The following ACYP2 variants were observed in gnomAD, a reference collection of about 807,000 sequenced individuals.
ACYP2 encodes the protein acylphosphatase-2.
Under a neutral mutation model 11.2 loss-of-function variants are expected in ACYP2, and 12 were observed. The observed-to-expected ratio is 1.08, with a 90% CI of 0.69 to 1.74. ACYP2 has a LOEUF of 1.74. Among genes scored for constraint, ACYP2 ranks in the 40% most tolerant of loss-of-function variants. The pLI is 0.00. For synonymous variants in ACYP2, 43 were observed against 32.2 expected, an observed-to-expected ratio of 1.33 and a Z score of -1.13; for missense variants, 134 against 101.9, an observed-to-expected ratio of 1.31 and a Z score of -1.35.
At chr2:54,267,464 T>A in intron 6 of ACYP2, 1 of 1,123,738 alleles carries the variant, frequency 8.9e-7, no homozygotes. Flanking sequence ...GGGGGAAGAG[T>A]GGTCCTAAAG....
intron 6 of ACYP2, among the ~76,000 whole-genome samples, chr2:54,200,553 A>G (rs1353009473): frequency 6.6e-6 from 1 of 152,128 alleles, no homozygotes; most frequent in Non-Finnish European, 1.5e-5. Flanking sequence ...CACTGAGGAT[A>G]ATGTTTTCAA....
At chr2:54,255,004 A>C in intron 6 of ACYP2, 1 of 1,614,044 alleles carries the variant, frequency 6.2e-7, no homozygotes, top group Non-Finnish European at 8.5e-7. Context: ...GTCTTCACCC[A>C]ACAGGTAGTA....
intron 2 of ACYP2, among the ~76,000 whole-genome samples, chr2:54,036,421 C>T (rs147697201): frequency 1.4e-4 from 21 of 151,840 alleles, no homozygotes; most frequent in Admixed American, 1.3e-3. Flanking sequence ...TGTAAAGTAA[C>T]ACTCACAGTT....
chr2:54,047,567 T>G (rs1675589895), intron 2 of ACYP2, among the ~76,000 whole-genome samples: 1 of 152,154 alleles, frequency 6.6e-6, no homozygotes, highest in African/African-American at 2.4e-5. Flanking sequence ...CATGAATAAA[T>G]TGATTGTATT....
intron 6 of ACYP2, chr2:54,254,934 C>A: frequency 1.2e-6 from 2 of 1,610,910 alleles, no homozygotes; most frequent in Non-Finnish European, 1.7e-6. Flanking sequence ...CACACTGGAA[C>A]CCAAAGGGCC....
chr2:54,132,858 C>A (rs1220087515), intron 4 of ACYP2, among the ~76,000 whole-genome samples: 2 of 151,616 alleles, frequency 1.3e-5, no homozygotes, highest in African/African-American at 4.8e-5. Flanking sequence ...GATTCTCCTG[C>A]CTCAGCCTCC....
rs1195512010 is a variant in ACYP2, at chr2:54,071,615, AC to A, written c.277+14257del. Among the ~76,000 whole-genome samples, 13 of 152,108 alleles carry A rather than the reference AC, an allele frequency of 8.5e-5. No individual in the cohort carries two copies. The East Asian group carries it at 2.3e-3, about 27-fold the overall frequency. On this transcript the variant is annotated intron_variant, in intron 4 of 6. Transcript: ENST00000607452. ...TGAGTAGCTGAGACTACAGGTGTGC[AC>A]CACCACACCCAGATAATTTTTTGAC...
chr2:54,205,201 T>A (rs554061064), intron 6 of ACYP2, among the ~76,000 whole-genome samples: 2 of 152,322 alleles, frequency 1.3e-5, no homozygotes, highest in South Asian at 4.1e-4. Flanking sequence ...TGCATAGGCA[T>A]GGTGGGTAAA....
intron 2 of ACYP2, among the ~76,000 whole-genome samples, chr2:54,020,639 T>C (rs1673956658): frequency 1.3e-5 from 2 of 152,238 alleles, no homozygotes; most frequent in Non-Finnish European, 2.9e-5. Context: ...CTACAGCTGC[T>C]TTCTTGTGAC....
chr2:54,100,329 G>A (rs1219444842), intron 4 of ACYP2, among the ~76,000 whole-genome samples: 1 of 135,256 alleles, frequency 7.4e-6, no homozygotes, highest in Non-Finnish European at 1.5e-5. Flanking sequence ...TTGAGACAAA[G>A]TCTTGCTCTG....
At chr2:54,112,784 C>A (rs972338241) in intron 4 of ACYP2, among the ~76,000 whole-genome samples, 2 of 152,192 alleles carry the variant, frequency 1.3e-5, no homozygotes, top group African/African-American at 4.8e-5. Flanking sequence ...GCAATCCATG[C>A]CGAAATGGTA....
At chr2:54,134,120 T>G (rs1325362679) in intron 4 of ACYP2, among the ~76,000 whole-genome samples, 2 of 152,130 alleles carry the variant, frequency 1.3e-5, no homozygotes, top group African/African-American at 2.4e-5. Context: ...CCATTTCAGT[T>G]AGTTTCCATT....
intron 6 of ACYP2, among the ~76,000 whole-genome samples, chr2:54,265,485 G>C (rs1401528858): frequency 6.6e-6 from 1 of 152,148 alleles, no homozygotes; most frequent in Non-Finnish European, 1.5e-5. Flanking sequence ...GGGACACAGA[G>C]CCAAACCATA....
At chr2:54,135,888 G>A (rs776531287) in intron 5 of ACYP2, among the ~76,000 whole-genome samples, 32 of 152,096 alleles carry the variant, frequency 2.1e-4, no homozygotes, top group Non-Finnish European at 1.8e-4. Flanking sequence ...GCGCCACGTC[G>A]TGTTTTAAAA....
At chr2:54,281,224 G>A (rs1368270168) in intron 6 of ACYP2, among the ~76,000 whole-genome samples, 1 of 152,170 alleles carries the variant, frequency 6.6e-6, no homozygotes, top group African/African-American at 2.4e-5. Context: ...GATTAACTTT[G>A]TCATTGCAGC....
intron 6 of ACYP2, among the ~76,000 whole-genome samples, chr2:54,149,057 C>G (rs1466079473): frequency 6.6e-6 from 1 of 152,288 alleles, no homozygotes; most frequent in Non-Finnish European, 1.5e-5. Flanking sequence ...TCGTGACCAG[C>G]CTGGGCAACA....
chr2:54,094,598 C>T (rs1678416646), intron 4 of ACYP2, among the ~76,000 whole-genome samples: 1 of 149,296 alleles, frequency 6.7e-6, no homozygotes, highest in Non-Finnish European at 1.5e-5. Context: ...AAGGCAGTGG[C>T]ACCATCTCGG....
At chr2:54,077,318 T>C (rs1677397253) in intron 4 of ACYP2, among the ~76,000 whole-genome samples, 1 of 152,228 alleles carries the variant, frequency 6.6e-6, no homozygotes, top group Non-Finnish European at 1.5e-5. Context: ...ATAAGCTCCT[T>C]GGTGCATCTA....
intron 4 of ACYP2, among the ~76,000 whole-genome samples, chr2:54,088,659 C>A (rs1469704510): frequency 6.6e-6 from 1 of 152,184 alleles, no homozygotes; most frequent in South Asian, 2.1e-4. Context: ...AATCAACTTC[C>A]GAATTCTGTT....
Sources: gnomAD v4.1 joint callset for allele counts (sites outside exome capture counted in the v4.1 genomes callset) on GRCh38, gnomAD v4.1.1 for gene constraint, MANE v1.5 for transcripts, NCBI Gene and HGNC (gene_info 2026-07-23, HGNC 2026-07-21) for gene names.